Variants in UNC13C observed in about 807,000 individuals in gnomAD.
UNC13C encodes the protein unc-13 homolog C.
Under a neutral mutation model 245.4 loss-of-function variants are expected in UNC13C, and 174 were observed. The observed-to-expected ratio is 0.71, with a 90% confidence interval of 0.63 to 0.80. The LOEUF (loss-of-function observed/expected upper bound fraction) is 0.80, where lower values mean the gene tolerates loss of function less well. Among genes scored for constraint, UNC13C ranks in the 30% least tolerant of loss-of-function variants. UNC13C has a pLI of 0.00. For synonymous variants in UNC13C, 992 were observed against 895.1 expected (o/e 1.11, Z -1.93); for missense variants, 2,829 against 2,602.9 (o/e 1.09, Z -1.89).
the UNC13C span, among the ~76,000 whole-genome samples, chr15:53,868,051 T>C: frequency 1.3e-5 from 2 of 152,126 alleles, no homozygotes; most frequent in Non-Finnish European, 2.9e-5. Flanking sequence ...CCCAGACTGG[T>C]CTTGAATTCC....
chr15:54,325,469 G>T (rs1200257984), intron 14 of UNC13C, among the ~76,000 whole-genome samples: 3 of 151,978 alleles, frequency 2.0e-5, no homozygotes, highest in Non-Finnish European at 2.9e-5. Flanking sequence ...GTGCAGTTTT[G>T]TTACATAGGT....
intron 1 of UNC13C, among the ~76,000 whole-genome samples, chr15:53,999,964 G>A (rs1894811081): frequency 6.6e-6 from 1 of 152,024 alleles, no homozygotes; most frequent in Non-Finnish European, 1.5e-5. Flanking sequence ...ACCAGTATGT[G>A]TCTTGGTTAG....
chr15:54,622,288 T>G, intron 30 of UNC13C, 39 bp from the exon 31 acceptor site: 1 of 1,364,350 alleles, frequency 7.3e-7, no homozygotes, highest in Non-Finnish European at 1.1e-6. Flanking sequence ...TATTAATGAG[T>G]CTGAAAGCTC....
At chr15:54,178,638 T>G (rs1414077224) in intron 4 of UNC13C, among the ~76,000 whole-genome samples, 2 of 152,118 alleles carry the variant, frequency 1.3e-5, no homozygotes, top group Non-Finnish European at 2.9e-5. Flanking sequence ...AATTACCATT[T>G]CTCAGTATGA....
intron 19 of UNC13C, among the ~76,000 whole-genome samples, chr15:54,462,566 CG>C (rs1002423372): frequency 6.6e-6 from 1 of 152,160 alleles, no homozygotes; most frequent in African/African-American, 2.4e-5. Flanking sequence ...CCAGTGCCCC[CG>C]GCCCCGGGGA....
chr15:53,890,022 G>C, the UNC13C span, among the ~76,000 whole-genome samples: 4 of 151,840 alleles, frequency 2.6e-5, no homozygotes, highest in African/African-American at 9.7e-5. Context: ...TTCTTTTTTT[G>C]TTGTGTCTCT....
chr15:54,319,405 TTAATTA>T (rs2038091717), intron 13 of UNC13C, among the ~76,000 whole-genome samples: 1 of 151,928 alleles, frequency 6.6e-6, no homozygotes, highest in Non-Finnish European at 1.5e-5. Context: ...TTAATACATA[TTAATTA>T]TAATCAATTC....
intron 18 of UNC13C, among the ~76,000 whole-genome samples, chr15:54,411,495 C>T (rs573235835): frequency 3.3e-5 from 5 of 152,138 alleles, no homozygotes; most frequent in Non-Finnish European, 7.4e-5. Flanking sequence ...GTCTGTGGTC[C>T]TTTTTGAGTT....
intron 30 of UNC13C, among the ~76,000 whole-genome samples, chr15:54,585,013 C>T (rs758729614): frequency 2.0e-5 from 3 of 152,194 alleles, no homozygotes; most frequent in Admixed American, 1.3e-4. Flanking sequence ...ACTTTTGATT[C>T]CCCATCACCA....
At chr15:54,549,975 T>C (rs2141182313) in intron 28 of UNC13C, among the ~76,000 whole-genome samples, 1 of 152,220 alleles carries the variant, frequency 6.6e-6, no homozygotes, top group East Asian at 1.9e-4. Flanking sequence ...TCTAGAGAAG[T>C]CTTCAAACCA....
chr15:54,468,545 C>A (rs1233640517), intron 19 of UNC13C, among the ~76,000 whole-genome samples: 1 of 151,456 alleles, frequency 6.6e-6, no homozygotes, highest in African/African-American at 2.4e-5. Context: ...TGAAGATTTT[C>A]CCCTGTGTTT....
intron 19 of UNC13C, among the ~76,000 whole-genome samples, chr15:54,480,380 A>T (rs1893036657): frequency 6.7e-6 from 1 of 148,230 alleles, no homozygotes; most frequent in Non-Finnish European, 1.5e-5. Flanking sequence ...ATAATGTTTC[A>T]TGTGTTACAT....
intron 2 of UNC13C, among the ~76,000 whole-genome samples, chr15:54,096,386 T>C (rs1391165102): frequency 6.6e-6 from 1 of 152,106 alleles, no homozygotes; most frequent in Non-Finnish European, 1.5e-5. Context: ...TCAAGAACTC[T>C]CAGCAAATTT....
At chr15:54,528,681 CA>C (rs1895597898) in intron 25 of UNC13C, among the ~76,000 whole-genome samples, 1 of 151,910 alleles carries the variant, frequency 6.6e-6, no homozygotes, top group South Asian at 2.1e-4. Context: ...AAAATCAGTG[CA>C]AAATCAGTCT....
intron 32 of UNC13C, among the ~76,000 whole-genome samples, chr15:54,625,674 C>T (rs1901090014): frequency 6.6e-6 from 1 of 152,122 alleles, no homozygotes; most frequent in South Asian, 2.1e-4. Context: ...GTCGTTTCAG[C>T]ACTCTGCTCT....
intron 29 of UNC13C, among the ~76,000 whole-genome samples, chr15:54,563,849 TG>T (rs750840617): frequency 1.3e-5 from 2 of 151,998 alleles, no homozygotes; most frequent in Non-Finnish European, 2.9e-5. Context: ...TTCAGAGTCA[TG>T]GGCACAGAGT....
chr15:53,855,038 T>C, the UNC13C span, among the ~76,000 whole-genome samples: 3 of 152,150 alleles, frequency 2.0e-5, no homozygotes, highest in Non-Finnish European at 4.4e-5. Flanking sequence ...TTCCTAGGTG[T>C]TTTTTTCTCT....
At position 54,057,752 on chromosome 15, in the gene UNC13C, A is replaced by G. The variant is rs557831363; in HGVS notation, c.2983+41866A>G. On this transcript the variant is annotated intron_variant, in intron 2 of 32. Transcript: ENST00000260323. ...AAAATGTAAAAGAATAGAAATTATA[A>G]CAAACTGTCTCTCAGACCACAGTGC... Among the ~76,000 whole-genome samples, 15 of 152,350 alleles carry G rather than the reference A, an allele frequency of 9.8e-5. No individual in the cohort carries two copies. In the South Asian group the frequency reaches 2.9e-3, roughly 29 times the overall value.
At chr15:54,547,737 C>T (rs1896548095) in intron 27 of UNC13C, among the ~76,000 whole-genome samples, 1 of 152,134 alleles carries the variant, frequency 6.6e-6, no homozygotes, top group African/African-American at 2.4e-5. Context: ...TCGCTTAATG[C>T]CATGAATGTG....
Sources: allele counts gnomAD v4.1 joint callset (sites outside exome capture counted in the v4.1 genomes callset), GRCh38; gene constraint gnomAD v4.1.1; transcripts MANE v1.5; gene names NCBI Gene and HGNC (gene_info 2026-07-23, HGNC 2026-07-21).